Variants in FAF1 observed in about 807,000 individuals in gnomAD.
The protein encoded by FAF1 is Fas associated factor 1.
FAF1 carries 25 observed loss-of-function variants against 92.5 expected under a neutral mutation model. That is an observed-to-expected ratio of 0.27 (90% CI 0.20 to 0.38). FAF1 has a LOEUF of 0.38. Among genes scored for constraint, FAF1 ranks in the 10% least tolerant of loss-of-function variants. The pLI is 1.00. For synonymous variants in FAF1, 234 were observed against 273.2 expected, an observed-to-expected ratio of 0.86 and a Z score of 1.42; for missense variants, 636 against 793.3, an observed-to-expected ratio of 0.80 and a Z score of 2.38.
At position 50,685,458 on chromosome 1, in the gene FAF1, T is replaced by C. The variant is rs1220771890; in HGVS notation, c.657+20328A>G. 2.6e-5 allele frequency among the ~76,000 whole-genome samples: 4 copies of C among 152,152 alleles called. No homozygotes were observed. In the East Asian group the frequency reaches 7.7e-4, roughly 29 times the overall value. On this transcript the variant is annotated intron_variant, in intron 7 of 18. Transcript: ENST00000396153. ...TAGTATAGTTAATGGATGAAAGATT[T>C]AGGAAATGGAATCAGAGAAAGCACT...
chr1:50,866,124 G>C (rs1437974277), intron 1 of FAF1, among the ~76,000 whole-genome samples: 1 of 151,992 alleles, frequency 6.6e-6, no homozygotes, highest in South Asian at 2.1e-4. Context: ...ATAGATGCAG[G>C]AAAAGCAGTT....
chr1:50,540,169 T>C (rs1464617083), intron 13 of FAF1, among the ~76,000 whole-genome samples: 2 of 152,124 alleles, frequency 1.3e-5, no homozygotes, highest in Admixed American at 1.3e-4. Context: ...AGACAGGGTT[T>C]GACCATCTTG....
chr1:50,533,779 G>A (rs114657020), intron 15 of FAF1, among the ~76,000 whole-genome samples: 2,083 of 152,252 alleles, frequency 0.014, 55 homozygotes, highest in African/African-American at 0.048. Context: ...ACCAATATCT[G>A]TGAACATAAC....
chr1:50,738,988 TTGA>T (rs777635549), intron 5 of FAF1, 34 bp from the exon 6 acceptor site: 165 of 1,220,478 alleles, frequency 1.4e-4, no homozygotes, highest in Non-Finnish European at 1.9e-4. Flanking sequence ...AAAATGAATG[TTGA>T]TGTTGATTAT....
At chr1:50,449,076 T>C (rs1322288255) in intron 18 of FAF1, among the ~76,000 whole-genome samples, 2 of 152,136 alleles carry the variant, frequency 1.3e-5, no homozygotes, top group Admixed American at 6.5e-5. Context: ...CTTAAAGAGA[T>C]GCTTCTTTAA....
chr1:50,891,740 C>CA (rs1377291935), intron 1 of FAF1, among the ~76,000 whole-genome samples: 1 of 152,202 alleles, frequency 6.6e-6, no homozygotes, highest in East Asian at 1.9e-4. Context: ...GAGAGGTACC[C>CA]AGCCGTGTGA....
intron 18 of FAF1, among the ~76,000 whole-genome samples, chr1:50,467,503 C>T (rs946016144): frequency 2.6e-5 from 4 of 151,948 alleles, no homozygotes; most frequent in African/African-American, 9.7e-5. Context: ...TTAGTAGAGG[C>T]GGGGTTTCAC....
intron 15 of FAF1, among the ~76,000 whole-genome samples, chr1:50,503,649 C>CA (rs951071038): frequency 2.3e-4 from 32 of 138,962 alleles, no homozygotes; most frequent in Admixed American, 5.0e-4. Context: ...AAAACCAAAA[C>CA]AAAAAAAAAA....
chr1:50,924,508 C>T (rs574658076), intron 1 of FAF1, among the ~76,000 whole-genome samples: 2 of 152,178 alleles, frequency 1.3e-5, no homozygotes, highest in South Asian at 4.1e-4. Flanking sequence ...ACAGGTACAG[C>T]ATCATCTCTA....
At chr1:50,483,983 G>A (rs1189466359) in intron 17 of FAF1, among the ~76,000 whole-genome samples, 1 of 152,146 alleles carries the variant, frequency 6.6e-6, no homozygotes, top group Admixed American at 6.5e-5. Flanking sequence ...GACATGATGG[G>A]CCAGCAGTTA....
chr1:50,674,364 T>C (rs954452502), intron 7 of FAF1, among the ~76,000 whole-genome samples: 4 of 151,198 alleles, frequency 2.6e-5, no homozygotes, highest in Admixed American at 1.3e-4. Context: ...GCCAAAGAAA[T>C]TGTTACTCAC....
intron 18 of FAF1, among the ~76,000 whole-genome samples, chr1:50,459,827 C>T (rs1646403253): frequency 6.6e-6 from 1 of 152,250 alleles, no homozygotes; most frequent in African/African-American, 2.4e-5. Flanking sequence ...GGTGAAGCCA[C>T]TGCTCTGCAA....
chr1:50,866,983 A>C (rs559486404), intron 1 of FAF1, among the ~76,000 whole-genome samples: 2 of 152,262 alleles, frequency 1.3e-5, no homozygotes, highest in East Asian at 3.9e-4. Flanking sequence ...ACTGGTATAA[A>C]AATAGGCATA....
intron 15 of FAF1, among the ~76,000 whole-genome samples, chr1:50,514,865 C>A (rs1288279672): frequency 6.6e-6 from 1 of 152,106 alleles, no homozygotes; most frequent in Non-Finnish European, 1.5e-5. Flanking sequence ...CTAAACCAAT[C>A]CAGAGACAAT....
chr1:50,588,087 G>A (rs1056197976), intron 9 of FAF1, among the ~76,000 whole-genome samples: 3 of 152,072 alleles, frequency 2.0e-5, no homozygotes, highest in Non-Finnish European at 4.4e-5. Flanking sequence ...AGGAGTTCGA[G>A]ACCAGCCTGG....
intron 15 of FAF1, among the ~76,000 whole-genome samples, chr1:50,515,559 C>T (rs1647207074): frequency 6.6e-6 from 1 of 152,024 alleles, no homozygotes; most frequent in South Asian, 2.1e-4. Context: ...AACAAAATAA[C>T]AGAAATTATA....
chr1:50,754,664 A>T (rs1446338748), intron 4 of FAF1, among the ~76,000 whole-genome samples: 1 of 152,218 alleles, frequency 6.6e-6, no homozygotes, highest in East Asian at 1.9e-4. Flanking sequence ...CTCAGTATCA[A>T]ACAAATGCTG....
intron 1 of FAF1, among the ~76,000 whole-genome samples, chr1:50,922,298 A>G (rs984463619): frequency 1.3e-5 from 2 of 151,508 alleles, no homozygotes; most frequent in African/African-American, 4.9e-5. Context: ...GTCTAAACTA[A>G]AAATACAAAA....
chr1:50,866,912 G>A (rs1007295484), intron 1 of FAF1, among the ~76,000 whole-genome samples: 5 of 152,042 alleles, frequency 3.3e-5, no homozygotes. Context: ...CAAATCTGGA[G>A]GCATAACATT....
Sources: gnomAD v4.1 joint callset for allele counts (sites outside exome capture counted in the v4.1 genomes callset) on GRCh38, gnomAD v4.1.1 for gene constraint, MANE v1.5 for transcripts, NCBI Gene and HGNC (gene_info 2026-07-23, HGNC 2026-07-21) for gene names.